The following CSTF3 variants were observed in gnomAD, a reference collection of about 807,000 sequenced individuals.
CSTF3 encodes CF-1 77 kDa subunit.
Under a neutral mutation model 105.8 loss-of-function variants are expected in CSTF3, and 29 were observed. The observed-to-expected ratio is 0.27, with a 90% CI of 0.20 to 0.37. The LOEUF (loss-of-function observed/expected upper bound fraction) is 0.37, where lower values mean the gene tolerates loss of function less well. Ranked by LOEUF, CSTF3 falls within the 10% of genes least tolerant of loss-of-function variation. The pLI is 1.00. For synonymous variants in CSTF3, 252 were observed against 281.9 expected, an observed-to-expected ratio of 0.89 and a Z score of 1.06; for missense variants, 357 against 879.3, an observed-to-expected ratio of 0.41 and a Z score of 7.51.
rs1849840452 is a variant in CSTF3, at chr11:33,154,911, T to G, written c.27+6388A>C. ...CGGATATTAGGACCAGATGTCAGCT[T>G]AGTTCTGTGTTCCTTTACCAATGCA... On this transcript the variant is annotated intron_variant, in intron 1 of 20. Transcript: ENST00000323959. 1.3e-5 allele frequency among the ~76,000 whole-genome samples: 2 copies of G among 152,186 alleles called. 1 individual carries two copies. Among genetic ancestry groups the G allele is most frequent in the South Asian group, 4.1e-4 (2 of 4,830 alleles).
At chr11:33,115,888 G>C (rs528078245) in intron 3 of CSTF3, among the ~76,000 whole-genome samples, 2 of 152,178 alleles carry the variant, frequency 1.3e-5, no homozygotes, top group South Asian at 4.2e-4. Context: ...AGACCAGTCT[G>C]GGCAACATGG....
At chr11:33,127,307 G>C (rs1486308049) in intron 3 of CSTF3, among the ~76,000 whole-genome samples, 2 of 151,998 alleles carry the variant, frequency 1.3e-5, no homozygotes, top group Non-Finnish European at 2.9e-5. Context: ...ACAAATGTTA[G>C]GCTTTTCACA....
intron 9 of CSTF3, 82 bp from the exon 10 acceptor site, chr11:33,102,421 A>C: frequency 7.7e-7 from 1 of 1,297,000 alleles, no homozygotes; most frequent in Non-Finnish European, 1.1e-6. Flanking sequence ...AGTTTGGAAG[A>C]CTGTTCAAGA....
intron 3 of CSTF3, among the ~76,000 whole-genome samples, chr11:33,136,798 G>A (rs1352500788): frequency 2.6e-5 from 4 of 151,846 alleles, no homozygotes; most frequent in Middle Eastern, 3.4e-3. Flanking sequence ...TACCTTTTGG[G>A]ACAGGGATAG....
At chr11:33,102,154 C>G (rs1212522466) in intron 10 of CSTF3, 23 bp downstream of exon 10, 2 of 1,604,840 alleles carry the variant, frequency 1.2e-6, no homozygotes, top group Admixed American at 1.7e-5. Flanking sequence ...TAACTGAAGT[C>G]CCATGAGGGT....
intron 3 of CSTF3, among the ~76,000 whole-genome samples, chr11:33,114,974 T>C (rs1855416739): frequency 6.6e-6 from 1 of 152,162 alleles, no homozygotes; most frequent in African/African-American, 2.4e-5. Flanking sequence ...CAATAACCAT[T>C]TGGGACAAGT....
At chr11:33,110,194 T>C (rs1417977619) in intron 3 of CSTF3, among the ~76,000 whole-genome samples, 3 of 152,212 alleles carry the variant, frequency 2.0e-5, no homozygotes, top group Non-Finnish European at 4.4e-5. Flanking sequence ...GAAGCTGTGT[T>C]GGCAGTCCTA....
At chr11:33,086,454 T>G (rs1317422203) in intron 18 of CSTF3, among the ~76,000 whole-genome samples, 1 of 151,872 alleles carries the variant, frequency 6.6e-6, no homozygotes, top group Non-Finnish European at 1.5e-5. Context: ...TTTTTTTTTT[T>G]GATACAGAGT....
At position 33,141,933 on chromosome 11, in the gene CSTF3, C is replaced by A; in HGVS notation, c.81G>T (p.Glu27Asp). Residue 27 changes from glutamate (E) to aspartate (D), a missense_variant, in exon 2 of 21, where the codon GAG becomes GAT. Physicochemically the swap from Glu to Asp is conservative, Grantham distance 45 (BLOSUM62 2). Transcript: ENST00000323959. Reference protein sequence around the residue: ...KVKKAEKKLEENPYDLDAWSI... With the variant: ...KVKKAEKKLEDNPYDLDAWSI... ...TCCAAGCATCAAGGTCATATGGATT[C>A]TCTTCTAATTTCTTTTCCGCTTTCT... 1.2e-6 allele frequency: 2 copies of A among 1,611,144 alleles called. No homozygotes were observed. Among genetic ancestry groups the A allele is most frequent in the Non-Finnish European group, 1.7e-6 (2 of 1,179,144 alleles).
In CSTF3 at chr11:33,084,908, C is replaced by T. The variant is rs746418531; in HGVS notation, c.*179G>A. The T allele has an allele frequency of 9.6e-5, 67 of 697,692 alleles. No individual in the cohort carries two copies. The highest frequency in any genetic ancestry group is 2.0e-4 in the Admixed American group (8 of 40,160). 43.2% of individuals were successfully genotyped at this position (697,692 alleles called of 1,614,324 possible). A position where few individuals can be genotyped will look rare whatever the true frequency, so the allele number is the denominator to read the frequency against. On this transcript the variant is annotated 3_prime_UTR_variant, in exon 21 of 21. Transcript: ENST00000323959. ...TTTTGCTTAGAGCATAGGTCTGTTC[C>T]GTATTCTAAAATTCACACAGGTTGG...
intron 1 of CSTF3, among the ~76,000 whole-genome samples, chr11:33,154,653 C>T (rs1849836436): frequency 6.6e-6 from 1 of 151,952 alleles, no homozygotes; most frequent in Non-Finnish European, 1.5e-5. Flanking sequence ...TGCACCACCA[C>T]ACTCAGCTAA....
chr11:33,138,506 C>G (rs1185929017), intron 3 of CSTF3, among the ~76,000 whole-genome samples: 1 of 151,808 alleles, frequency 6.6e-6, no homozygotes, highest in African/African-American at 2.4e-5. Flanking sequence ...TTCCACTTAA[C>G]TCAAGTGTTT....
At chr11:33,102,482 A>T in intron 9 of CSTF3, 143 bp from the exon 10 acceptor site, 1 of 727,934 alleles carries the variant, frequency 1.4e-6, no homozygotes, top group Non-Finnish European at 2.2e-6. Context: ...AAAACTATTT[A>T]AGAGTAGAGA....
chr11:33,161,071 GCTATTGT>G (rs1464140841), intron 1 of CSTF3, among the ~76,000 whole-genome samples: 1 of 151,926 alleles, frequency 6.6e-6, no homozygotes, highest in Non-Finnish European at 1.5e-5. Flanking sequence ...GCAGCCTACC[GCTATTGT>G]CTAAATCAAG....
At chr11:33,092,572 C>T (rs895810778) in intron 15 of CSTF3, among the ~76,000 whole-genome samples, 1 of 152,048 alleles carries the variant, frequency 6.6e-6, no homozygotes, top group African/African-American at 2.4e-5. Context: ...TGTTTTTTTC[C>T]CTTCTAGTTC....
intron 5 of CSTF3, among the ~76,000 whole-genome samples, chr11:33,107,375 T>A (rs1269596252): frequency 1.3e-5 from 2 of 151,982 alleles, no homozygotes; most frequent in Non-Finnish European, 2.9e-5. Context: ...AAGACAGAAT[T>A]TTAGTAACAG....
intron 3 of CSTF3, among the ~76,000 whole-genome samples, chr11:33,127,364 T>A (rs920361121): frequency 6.6e-6 from 1 of 152,174 alleles, no homozygotes; most frequent in African/African-American, 2.4e-5. Flanking sequence ...TTCATCAATT[T>A]AAAAAATTGT....
At chr11:33,096,649 A>T (rs1855225721) in intron 14 of CSTF3, among the ~76,000 whole-genome samples, 186 bp downstream of exon 14, 1 of 152,246 alleles carries the variant, frequency 6.6e-6, no homozygotes, top group Non-Finnish European at 1.5e-5. Context: ...GTGATTAATG[A>T]AGCATAAATT....
intron 1 of CSTF3, among the ~76,000 whole-genome samples, chr11:33,160,561 T>C (rs1849927100): frequency 6.6e-6 from 1 of 152,206 alleles, no homozygotes; most frequent in African/African-American, 2.4e-5. Flanking sequence ...GTAAATACTA[T>C]CCTACAAAAT....
Sources: gnomAD v4.1 joint callset for allele counts (sites outside exome capture counted in the v4.1 genomes callset) on GRCh38, gnomAD v4.1.1 for gene constraint, MANE v1.5 for transcripts, NCBI Gene and HGNC (gene_info 2026-07-23, HGNC 2026-07-21) for gene names.